CTNNA2: variants seen among roughly 807,000 people sequenced by gnomAD.
CTNNA2 encodes catenin alpha-2.
A neutral mutation model predicts 101.0 loss-of-function variants in CTNNA2; 42 were observed. That is an observed-to-expected ratio of 0.42 (90% CI 0.32 to 0.54). CTNNA2 has a LOEUF of 0.54. Among genes scored for constraint, CTNNA2 ranks in the 20% least tolerant of loss-of-function variants. The pLI, the probability that CTNNA2 is intolerant of heterozygous loss-of-function variation, is 0.14. For synonymous variants in CTNNA2, 450 were observed against 456.4 expected, an observed-to-expected ratio of 0.99 and a Z score of 0.18; for missense variants, 871 against 1,223.1, an observed-to-expected ratio of 0.71 and a Z score of 4.29.
At chr2:79,750,484 T>C (rs555698843) in intron 3 of CTNNA2, among the ~76,000 whole-genome samples, 17 of 152,312 alleles carry the variant, frequency 1.1e-4, no homozygotes, top group South Asian at 6.2e-4. Flanking sequence ...TATCAATCCA[T>C]GGTAGTTATT....
chr2:80,400,447 C>A (rs567596519), intron 8 of CTNNA2, among the ~76,000 whole-genome samples: 6 of 152,264 alleles, frequency 3.9e-5, no homozygotes, highest in Admixed American at 6.5e-5. Flanking sequence ...GATGCTGCTG[C>A]TGATGGCTGA....
chr2:80,396,215 T>C (rs965966315), intron 8 of CTNNA2, among the ~76,000 whole-genome samples: 3 of 152,160 alleles, frequency 2.0e-5, no homozygotes. Flanking sequence ...GCATTATAAA[T>C]GGTGAAAAAG....
intron 6 of CTNNA2, among the ~76,000 whole-genome samples, chr2:79,907,332 TACACAC>T (rs775605770): frequency 5.4e-5 from 8 of 147,370 alleles, no homozygotes; most frequent in African/African-American, 2.0e-4. Flanking sequence ...ATTATATATA[TACACAC>T]ACACACACAC....
chr2:79,244,320 C>T (rs1572996417), intron 2 of CTNNA2, among the ~76,000 whole-genome samples: 2 of 152,316 alleles, frequency 1.3e-5, no homozygotes, highest in Admixed American at 1.3e-4. Flanking sequence ...TTCATGTGTA[C>T]ATTATAGACA....
chr2:79,310,510 C>G (rs959913907), intron 2 of CTNNA2, among the ~76,000 whole-genome samples: 2 of 152,216 alleles, frequency 1.3e-5, no homozygotes, highest in Admixed American at 1.3e-4. Context: ...GACTCTTCCT[C>G]TTCTCAAGAC....
At chr2:80,233,144 A>G (rs1558927293) in intron 7 of CTNNA2, among the ~76,000 whole-genome samples, 1 of 152,166 alleles carries the variant, frequency 6.6e-6, no homozygotes, top group East Asian at 1.9e-4. Context: ...GGTAATGGTA[A>G]CTGTAGGTCT....
At chr2:80,049,639 T>A (rs897036542) in intron 7 of CTNNA2, among the ~76,000 whole-genome samples, 15 of 152,076 alleles carry the variant, frequency 9.9e-5, no homozygotes, top group African/African-American at 3.4e-4. Flanking sequence ...GGCACCAGGT[T>A]TTGTGGCACC....
At chr2:79,197,005 T>C (rs1445639982) in intron 1 of CTNNA2, among the ~76,000 whole-genome samples, 1 of 152,250 alleles carries the variant, frequency 6.6e-6, no homozygotes, top group East Asian at 1.9e-4. Flanking sequence ...AAGACTTGCC[T>C]CCTTTTCTCT....
chr2:80,233,499 C>A (rs1479863852), intron 7 of CTNNA2, among the ~76,000 whole-genome samples: 2 of 152,158 alleles, frequency 1.3e-5, no homozygotes, highest in Admixed American at 1.3e-4. Context: ...TTGTGGCATT[C>A]CCCCTTCTAT....
At chr2:79,980,796 G>A (rs954460348) in intron 7 of CTNNA2, among the ~76,000 whole-genome samples, 2 of 152,104 alleles carry the variant, frequency 1.3e-5, no homozygotes, top group South Asian at 4.1e-4. Flanking sequence ...AATAAAAGCT[G>A]CATGATCATC....
intron 2 of CTNNA2, among the ~76,000 whole-genome samples, chr2:79,219,368 G>T (rs565190881): frequency 1.3e-5 from 2 of 152,180 alleles, no homozygotes; most frequent in South Asian, 2.1e-4. Context: ...GTTTTATTTC[G>T]CACCGTCCTA....
At chr2:80,500,695 T>C (rs942661270) in intron 9 of CTNNA2, among the ~76,000 whole-genome samples, 11 of 152,192 alleles carry the variant, frequency 7.2e-5, no homozygotes, top group Admixed American at 6.5e-4. Flanking sequence ...CCTCCCCCTC[T>C]TGCTGACAGA....
At chr2:79,712,367 A>C (rs1410225113) in intron 2 of CTNNA2, among the ~76,000 whole-genome samples, 1 of 152,206 alleles carries the variant, frequency 6.6e-6, no homozygotes, top group Non-Finnish European at 1.5e-5. Context: ...ATTGCCATGC[A>C]GTTGGGCTGA....
rs75480955 is a variant in CTNNA2 at position 80,411,803 on chromosome 2, A to T, written c.1138-7646A>T. On this transcript the variant is annotated intron_variant, in intron 8 of 18. Coordinates refer to ENST00000402739, the MANE Select transcript of CTNNA2 (RefSeq NM_001282597.3). ...GTCTCCTCACCTATAAAAGGAATAA[A>T]ATAGTAGCCAGTGATTTTTGACAGA... Among the ~76,000 whole-genome samples, 855 of 152,308 alleles carry T rather than the reference A, an allele frequency of 5.6e-3. 1 individual carries two copies. Among genetic ancestry groups the T allele is most frequent in the Middle Eastern group, 0.01 (3 of 294 alleles).
At chr2:79,654,682 T>G (rs533301415) in intron 2 of CTNNA2, among the ~76,000 whole-genome samples, 1 of 152,328 alleles carries the variant, frequency 6.6e-6, no homozygotes, top group East Asian at 1.9e-4. Flanking sequence ...ATTCGCAAAT[T>G]CCAGGGATTA....
At chr2:80,619,022 CT>C (rs56987036) in intron 17 of CTNNA2, 62 bp from the exon 18 acceptor site, 18,757 of 871,328 alleles carry the variant, frequency 0.022, no homozygotes, top group South Asian at 0.039. Flanking sequence ...AAGTAGGGTA[CT>C]TTTTTTTTTT....
chr2:80,102,755 G>T (rs1367769308), intron 7 of CTNNA2, among the ~76,000 whole-genome samples: 2 of 151,992 alleles, frequency 1.3e-5, no homozygotes, highest in African/African-American at 2.4e-5. Context: ...CAAGTGATCC[G>T]CCAGCCTCAG....
At chr2:79,918,606 G>A (rs1686426439) in intron 7 of CTNNA2, among the ~76,000 whole-genome samples, 1 of 152,142 alleles carries the variant, frequency 6.6e-6, no homozygotes. Context: ...CTAACCACAA[G>A]CCCATAATCA....
intron 13 of CTNNA2, among the ~76,000 whole-genome samples, chr2:80,575,530 T>C (rs994156910): frequency 6.6e-6 from 1 of 151,990 alleles, no homozygotes; most frequent in Admixed American, 6.6e-5. Context: ...CAAGGAAAGA[T>C]AGTCAGCCTT....
Sources: allele counts gnomAD v4.1 joint callset (sites outside exome capture counted in the v4.1 genomes callset), GRCh38; gene constraint gnomAD v4.1.1; transcripts MANE v1.5; gene names NCBI Gene and HGNC (gene_info 2026-07-23, HGNC 2026-07-21).